RPS6KA3: variants seen among roughly 807,000 people sequenced by gnomAD.
RPS6KA3 encodes the protein ribosomal protein S6 kinase alpha-3.
Under a neutral mutation model 67.2 loss-of-function variants are expected in RPS6KA3, and 4 were observed. That is an observed-to-expected ratio of 0.06 (90% CI 0.03 to 0.14). RPS6KA3 has a LOEUF of 0.14. Among genes scored for constraint, RPS6KA3 ranks in the 10% least tolerant of loss-of-function variants. The pLI, the probability that RPS6KA3 is intolerant of heterozygous loss-of-function variation, is 1.00. For missense variants in RPS6KA3, 204 were observed against 559.0 expected (o/e 0.36, Z 6.40); for synonymous variants, 182 against 183.7 (o/e 0.99, Z 0.07).
Position 20,153,094 on chromosome X carries a change from C to T in RPS6KA3, c.*2304G>A, listed in dbSNP as rs890009825. ...TTCTAAAATACTATGATGGACAATA[C>T]TCCTAAGCAATTACGGAGTAGCATC... On this transcript the variant is annotated 3_prime_UTR_variant, in exon 22 of 22. Transcript: ENST00000379565. The T allele has an allele frequency of 3.6e-5, 4 of 111,761 alleles. No homozygotes were observed. The highest frequency in any genetic ancestry group is 9.8e-5 in the African/African-American group (3 of 30,716). 9.2% of individuals were successfully genotyped at this position (111,761 alleles called of 1,213,427 possible).
At chrX:20,180,003 C>T (rs771416593) in intron 10 of RPS6KA3, among the ~76,000 whole-genome samples, 2 of 110,701 alleles carry the variant, frequency 1.8e-5, no homozygotes, top group East Asian at 5.6e-4. Flanking sequence ...GCAGGAGGAT[C>T]GTTTGAGCCC....
chrX:20,230,385 T>C (rs1603430129), intron 2 of RPS6KA3, among the ~76,000 whole-genome samples: 1 of 111,481 alleles, frequency 9.0e-6, no homozygotes, highest in East Asian at 2.8e-4. Context: ...AAGGTCAAAG[T>C]GGAAGTGGTA....
chrX:20,215,344 T>C (rs908500196), intron 2 of RPS6KA3, among the ~76,000 whole-genome samples: 2 of 111,048 alleles, frequency 1.8e-5, no homozygotes, highest in African/African-American at 6.6e-5. Flanking sequence ...AAAATATTTT[T>C]CTAAATCAGG....
chrX:20,178,540 T>G (rs1394243618), intron 10 of RPS6KA3, among the ~76,000 whole-genome samples: 1 of 99,720 alleles, frequency 1.0e-5, no homozygotes, highest in Non-Finnish European at 2.0e-5. Flanking sequence ...TGGCACAATC[T>G]CGGCTCACTG....
Position 20,165,073 on chromosome X carries a change from C to A in RPS6KA3, c.1603-13G>T. On this transcript the variant is annotated splice_polypyrimidine_tract_variant and intron_variant, in intron 17 of 21. Transcript: ENST00000379565. ...CTCTATGAACCACCTAATTGAAATA[C>A]AAATTAAAGAGTTATGTTAACAATA... 8.7e-7 allele frequency: 1 copy of A among 1,143,362 alleles called. No homozygotes were observed. 94.2% of individuals were successfully genotyped at this position (1,143,362 alleles called of 1,213,427 possible). A position where few individuals can be genotyped will look rare whatever the true frequency, so the allele number is the denominator to read the frequency against.
intron 1 of RPS6KA3, among the ~76,000 whole-genome samples, chrX:20,256,172 CAA>C (rs35947983): frequency 1.4e-4 from 2 of 14,473 alleles, no homozygotes; most frequent in Non-Finnish European, 2.5e-4. Flanking sequence ...GACACCGTCT[CAA>C]AAAAAAAAAA....
intron 4 of RPS6KA3, among the ~76,000 whole-genome samples, chrX:20,199,206 T>C (rs2068357398): frequency 8.9e-6 from 1 of 112,092 alleles, no homozygotes; most frequent in Admixed American, 9.5e-5. Context: ...CTAAAATATT[T>C]ATGAAAGAAA....
chrX:20,216,583 A>AGG lies in RPS6KA3; in HGVS notation c.127-7181_127-7180dup, dbSNP rs113204586. 3.0e-3 allele frequency among the ~76,000 whole-genome samples: 327 copies of AGG among 109,141 alleles called. 3 individuals are homozygous for AGG. The highest frequency in any genetic ancestry group is 0.01 in the African/African-American group (309 of 29,874). 94.8% of individuals were successfully genotyped at this position (109,141 alleles called of 115,157 possible). ...AGAGATGAGAATAGCAGATATGGAA[A>AGG]GGGGGGGGTTGTAATTTTCAATAAA... On this transcript the variant is annotated intron_variant, in intron 2 of 21. Transcript: ENST00000379565.
Position 20,149,917 on chromosome X carries a change from G to T in RPS6KA3, c.*5481C>A, listed in dbSNP as rs1315124568. On this transcript the variant is annotated 3_prime_UTR_variant, in exon 22 of 22. Transcript: ENST00000379565. ...CTGATAAAAGGGACAAACATGCATT[G>T]ATTTGAAACTTTATTATATAAATTT... The T allele has an allele frequency of 8.9e-6, 1 of 112,784 alleles. No homozygotes were observed. The highest frequency in any genetic ancestry group is 4.2e-3 in the Middle Eastern group (1 of 240). 9.3% of individuals were successfully genotyped at this position (112,784 alleles called of 1,213,427 possible).
chrX:20,200,941 C>T (rs1004118676), intron 4 of RPS6KA3, among the ~76,000 whole-genome samples: 1 of 111,131 alleles, frequency 9.0e-6, no homozygotes, highest in Non-Finnish European at 1.9e-5. Context: ...CCTCAGCCTC[C>T]CAAAGTGCTG....
intron 4 of RPS6KA3, among the ~76,000 whole-genome samples, chrX:20,197,200 C>A (rs1326765326): frequency 8.9e-6 from 1 of 112,655 alleles, no homozygotes; most frequent in Admixed American, 9.4e-5. Flanking sequence ...GCTGATATTT[C>A]TATTCTAGTC....
chrX:20,201,642 C>T (rs1330160661), intron 4 of RPS6KA3, among the ~76,000 whole-genome samples: 1 of 110,996 alleles, frequency 9.0e-6, no homozygotes, highest in African/African-American at 3.3e-5. Context: ...CCTTTTCCCC[C>T]ATTAATTAAC....
chrX:20,196,878 C>T lies in RPS6KA3; in HGVS notation c.326-1733G>A, dbSNP rs187477168. On this transcript the variant is annotated intron_variant, in intron 4 of 21. Coordinates refer to ENST00000379565, the MANE Select transcript of RPS6KA3 (RefSeq NM_004586.3). ...TTTTTTTGAGATAGGATATCGCTGT[C>T]GCCCTGGCTGGAGTGCAGTGGTGTG... Among the ~76,000 whole-genome samples, 35 of 111,585 alleles carry T rather than the reference C, an allele frequency of 3.1e-4. No individual in the cohort carries two copies. The East Asian group carries it at 5.3e-3, about 17-fold the overall frequency.
At chrX:20,254,957 A>T (rs1170521895) in intron 1 of RPS6KA3, among the ~76,000 whole-genome samples, 1 of 112,447 alleles carries the variant, frequency 8.9e-6, no homozygotes, top group Non-Finnish European at 1.9e-5. Context: ...TAGATTTACC[A>T]TATGACTCAG....
At chrX:20,251,753 G>T (rs1281518427) in intron 1 of RPS6KA3, among the ~76,000 whole-genome samples, 5 of 112,595 alleles carry the variant, frequency 4.4e-5, no homozygotes, top group Non-Finnish European at 7.5e-5. Context: ...TTGAAACTCT[G>T]TATCTATTAG....
intron 1 of RPS6KA3, among the ~76,000 whole-genome samples, chrX:20,239,124 C>T (rs2069487919): frequency 9.0e-6 from 1 of 111,164 alleles, no homozygotes; most frequent in African/African-American, 3.3e-5. Context: ...GTGTAGTTAC[C>T]TGAACTTGGG....
intron 2 of RPS6KA3, among the ~76,000 whole-genome samples, chrX:20,226,114 G>A (rs1484497970): frequency 3.6e-5 from 4 of 111,479 alleles, no homozygotes; most frequent in Non-Finnish European, 5.7e-5. Flanking sequence ...CCTGGGAGGC[G>A]GAGGTTGCAG....
In RPS6KA3 at chrX:20,172,732, TA is replaced by T. The variant is rs766402947; in HGVS notation, c.1353+13del. ...AGAACTGTATGAATTGCATTTTAAA[TA>T]AAAAAAATTTACCTTCACTGCAAAC... On this transcript the variant is annotated intron_variant, in intron 15 of 21. Coordinates refer to ENST00000379565, the MANE Select transcript of RPS6KA3 (RefSeq NM_004586.3). 1.7e-6 allele frequency: 2 copies of T among 1,168,271 alleles called. No homozygotes were observed. The highest frequency in any genetic ancestry group is 1.2e-6 in the Non-Finnish European group (1 of 868,782).
At chrX:20,177,414 GTTTA>G (rs1199253446) in intron 10 of RPS6KA3, among the ~76,000 whole-genome samples, 1 of 112,533 alleles carries the variant, frequency 8.9e-6, no homozygotes. Context: ...ATATGTCACA[GTTTA>G]TTTATCCATT....
Sources: allele counts gnomAD v4.1 joint callset (sites outside exome capture counted in the v4.1 genomes callset), GRCh38; gene constraint gnomAD v4.1.1; transcripts MANE v1.5; gene names NCBI Gene and HGNC (gene_info 2026-07-23, HGNC 2026-07-21).